The following SPMAP1 variants were observed in gnomAD, a reference collection of about 807,000 sequenced individuals.
SPMAP1 encodes the protein sperm microtubule associated protein 1.
the SPMAP1 span, chr17:38,841,276 C>T: frequency 1.2e-6 from 2 of 1,614,042 alleles, no homozygotes; most frequent in Middle Eastern, 1.6e-4. Context: ...GCGGAATCGC[C>T]GACCACAGCT....
chr17:38,836,065 C>T, the SPMAP1 span, among the ~76,000 whole-genome samples: 2,983 of 152,112 alleles, frequency 0.02, 97 homozygotes, highest in African/African-American at 0.067. Context: ...TAGGTGCCTG[C>T]CACCACGCCC....
At chr17:38,838,050 A>G in the SPMAP1 span, among the ~76,000 whole-genome samples, 3 of 151,810 alleles carry the variant, frequency 2.0e-5, no homozygotes, top group Non-Finnish European at 4.4e-5. Context: ...ATGCCCGGCT[A>G]ATTTTTGTAT....
chr17:38,837,057 G>T, the SPMAP1 span: 2 of 884,724 alleles, frequency 2.3e-6, no homozygotes, highest in Non-Finnish European at 3.9e-6. Context: ...CTGGAAGGAT[G>T]CAGTCCCTTT....
the SPMAP1 span, among the ~76,000 whole-genome samples, chr17:38,836,475 C>T: frequency 6.6e-6 from 1 of 151,950 alleles, no homozygotes; most frequent in Non-Finnish European, 1.5e-5. Context: ...TGGTGCACAC[C>T]TGTGGGCCCA....
chr17:38,836,598 T>C, the SPMAP1 span, among the ~76,000 whole-genome samples: 1,555 of 141,148 alleles, frequency 0.011, 16 homozygotes, highest in Non-Finnish European at 0.015. Flanking sequence ...TTTTTTTTTT[T>C]TTTTTTTTTT....
At chr17:38,837,346 C>A in the SPMAP1 span, 1 of 785,110 alleles carries the variant, frequency 1.3e-6, no homozygotes, top group South Asian at 1.4e-5. Context: ...GGGAAGAGGT[C>A]AGAGCCTTAG....
the SPMAP1 span, among the ~76,000 whole-genome samples, chr17:38,840,473 T>G: frequency 1.3e-5 from 2 of 151,992 alleles, no homozygotes; most frequent in African/African-American, 2.4e-5. Flanking sequence ...TTCTGTGAGC[T>G]CAGGGAGCTT....
At chr17:38,836,008 G>A in the SPMAP1 span, among the ~76,000 whole-genome samples, 1 of 151,984 alleles carries the variant, frequency 6.6e-6, no homozygotes, top group African/African-American at 2.4e-5. Flanking sequence ...TCTGCCTCCC[G>A]GGTTCAAGAG....
At chr17:38,836,336 C>T in the SPMAP1 span, among the ~76,000 whole-genome samples, 1 of 152,030 alleles carries the variant, frequency 6.6e-6, no homozygotes, top group Non-Finnish European at 1.5e-5. Flanking sequence ...ACAAATGGCT[C>T]ATGTCTGTAA....
chr17:38,836,260 C>A, the SPMAP1 span, among the ~76,000 whole-genome samples: 1 of 151,984 alleles, frequency 6.6e-6, no homozygotes, highest in African/African-American at 2.4e-5. Flanking sequence ...TGCCAAATTA[C>A]TTTAACTCAA....
the SPMAP1 span, chr17:38,835,437 G>A: frequency 2.2e-6 from 3 of 1,383,776 alleles, no homozygotes; most frequent in Non-Finnish European, 2.0e-6. Flanking sequence ...ATGCCAACCA[G>A]GCGTAGTCAC....
the SPMAP1 span, among the ~76,000 whole-genome samples, chr17:38,839,141 C>G: frequency 6.7e-6 from 1 of 150,026 alleles, no homozygotes; most frequent in Non-Finnish European, 1.5e-5. Context: ...ATATGTATAC[C>G]CTATCATTTT....
At chr17:38,838,987 G>A in the SPMAP1 span, among the ~76,000 whole-genome samples, 1,447 of 149,570 alleles carry the variant, frequency 9.7e-3, 79 homozygotes, top group East Asian at 0.17. Context: ...TCAGGAGGCC[G>A]AGGCAGGAGA....
chr17:38,841,166 C>T, the SPMAP1 span: 1 of 1,596,192 alleles, frequency 6.3e-7, no homozygotes, highest in Non-Finnish European at 8.6e-7. Context: ...GTGGGGTCTT[C>T]CGGGAAGCTC....
At chr17:38,839,577 G>A in the SPMAP1 span, among the ~76,000 whole-genome samples, 1 of 151,934 alleles carries the variant, frequency 6.6e-6, no homozygotes, top group Non-Finnish European at 1.5e-5. Context: ...CACAAGGTCA[G>A]GAGTTCGAGA....
At chr17:38,837,212 C>T in the SPMAP1 span, 1 of 1,613,824 alleles carries the variant, frequency 6.2e-7, no homozygotes, top group African/African-American at 1.3e-5. Flanking sequence ...GTCTACTATC[C>T]AGCCATCCCT....
the SPMAP1 span, among the ~76,000 whole-genome samples, chr17:38,837,999 C>G: frequency 6.6e-6 from 1 of 152,152 alleles, no homozygotes; most frequent in African/African-American, 2.4e-5. Context: ...ATTATCCTGC[C>G]TCATCCTCCT....
the SPMAP1 span, chr17:38,841,177 C>G: frequency 2.3e-5 from 37 of 1,612,736 alleles, no homozygotes; most frequent in Non-Finnish European, 3.0e-5. Flanking sequence ...CGGGAAGCTC[C>G]TATACCTGAT....
the SPMAP1 span, chr17:38,835,134 T>C: frequency 1.3e-5 from 20 of 1,574,256 alleles, no homozygotes; most frequent in South Asian, 1.9e-4. Flanking sequence ...TAAGAGTTCA[T>C]CTAAACATTT....
Sources: allele counts gnomAD v4.1 joint callset (sites outside exome capture counted in the v4.1 genomes callset), GRCh38; gene constraint gnomAD v4.1.1; transcripts MANE v1.5; gene names NCBI Gene and HGNC (gene_info 2026-07-23, HGNC 2026-07-21).